Variants in TBCB observed in about 807,000 individuals in gnomAD.
The protein encoded by TBCB is tubulin-folding cofactor B.
Under a neutral mutation model 29.2 loss-of-function variants are expected in TBCB, and 18 were observed. The ratio of observed to expected loss-of-function variants is 0.62; its 90% CI spans 0.43 to 0.91. TBCB has a LOEUF of 0.91. TBCB is among the 40% of genes least tolerant of loss of function. TBCB has a pLI of 0.00. For synonymous variants in TBCB, 172 were observed against 137.8 expected, an observed-to-expected ratio of 1.25 and a Z score of -1.74; for missense variants, 336 against 337.6, an observed-to-expected ratio of 1.00 and a Z score of 0.04.
Position 36,120,645 on chromosome 19 carries a change from T to G in TBCB, c.259-65T>G, listed in dbSNP as rs1310302859. On this transcript the variant is annotated intron_variant, in intron 2 of 5. Transcript: ENST00000221855. ...TCCCAGATGGAGACACTGAAGTCCCTGCACCCAGCACCCAGGCCTCCCTGG... is the reference window on the plus strand; with the variant it reads ...TCCCAGATGGAGACACTGAAGTCCCGGCACCCAGCACCCAGGCCTCCCTGG... The G allele has an allele frequency of 2.1e-6, 3 of 1,444,578 alleles. No individual in the cohort carries two copies. In the East Asian group the frequency reaches 6.8e-5, roughly 33 times the overall value. 89.5% of individuals were successfully genotyped at this position (1,444,578 alleles called of 1,614,324 possible).
At chr19:36,118,372 G>A (rs1303967411) in intron 2 of TBCB, among the ~76,000 whole-genome samples, 3 of 152,148 alleles carry the variant, frequency 2.0e-5, no homozygotes, top group South Asian at 2.1e-4. Flanking sequence ...CATCCTGGAG[G>A]TGGTGCTGCT....
At chr19:36,115,466 G>GGGC (rs1197886586), upstream of TBCB, 6 of 941,334 alleles carry the variant, frequency 6.4e-6, no homozygotes, top group Admixed American at 1.3e-4. Flanking sequence ...GCAGGAGGCG[G>GGGC]GGCTGATAGC....
upstream of TBCB, chr19:36,114,996 G>A (rs555846824): frequency 6.3e-6 from 5 of 797,754 alleles, no homozygotes; most frequent in East Asian, 1.0e-4. The surrounding 1 kb of genome is among the most constrained non-coding windows in gnomAD (Gnocchi z 4.5). Context: ...GCCGCCTCGG[G>A]CTCGGCTCTC....
rs1599864535 is a variant in TBCB at position 36,120,648 on chromosome 19, A to G, written c.259-62A>G. Reference sequence around the variant, plus strand: ...CAGATGGAGACACTGAAGTCCCTGCACCCAGCACCCAGGCCTCCCTGGCCA... The same window carrying G: ...CAGATGGAGACACTGAAGTCCCTGCGCCCAGCACCCAGGCCTCCCTGGCCA... On this transcript the variant is annotated intron_variant, in intron 2 of 5. Transcript: ENST00000221855. The G allele has an allele frequency of 5.4e-6, 8 of 1,468,310 alleles. No homozygotes were observed. In the East Asian group the frequency reaches 1.6e-4, roughly 29 times the overall value. 91.0% of individuals were successfully genotyped at this position (1,468,310 alleles called of 1,614,324 possible). A position where few individuals can be genotyped will look rare whatever the true frequency, so the allele number is the denominator to read the frequency against.
intron 4 of TBCB, among the ~76,000 whole-genome samples, chr19:36,124,724 T>C (rs2145911645): frequency 1.3e-5 from 2 of 152,248 alleles, no homozygotes; most frequent in Middle Eastern, 3.4e-3. Flanking sequence ...TTTGTATTTT[T>C]AGTAGAGACG....
rs74928101 is a variant in TBCB at position 36,116,495 on chromosome 19, G to A, written c.258+311G>A. The A allele has an allele frequency of 1.5e-3, 438 of 292,822 alleles. 3 individuals are homozygous for A. The highest frequency in any genetic ancestry group is 9.0e-3 in the African/African-American group (418 of 46,518). The allele number at this position is 292,822 out of a possible 1,614,324, so 18.1% of individuals were successfully genotyped here. ...GGGATGAGGAAAGGGTGACTTAAGA[G>A]AAAGAGGTGGAAAGGAGGGAGCAGG... On this transcript the variant is annotated intron_variant, in intron 2 of 5. Coordinates refer to ENST00000221855, the MANE Select transcript of TBCB (RefSeq NM_001281.3).
In TBCB at chr19:36,115,656, C is replaced by G. The variant is rs144534068; in HGVS notation, c.96C>G (p.Leu32=). The G allele has an allele frequency of 3.7e-6, 6 of 1,603,518 alleles. No individual in the cohort carries two copies. The highest frequency in any genetic ancestry group is 5.1e-6 in the Non-Finnish European group (6 of 1,175,798). The part of the protein sequence containing the change: ...FRSEKRYSRS[L]TIAEFKCKLE... ...CCGAGAAGCGATACAGCCGCAGCCT[C>G]ACCATCGCTGAGTTCAAGGTGTGGC... The change falls in exon 1 of 6, where the codon CTC becomes CTG. Residue 32 remains leucine, a synonymous_variant. Transcript: ENST00000221855.
chr19:36,120,649 C>A (rs1974029980), intron 2 of TBCB, 61 bp from the exon 3 acceptor site: 1 of 1,491,390 alleles, frequency 6.7e-7, no homozygotes, highest in Non-Finnish European at 9.3e-7. Flanking sequence ...AGTCCCTGCA[C>A]CCAGCACCCA....
intron 4 of TBCB, chr19:36,121,965 G>C: frequency 1.7e-6 from 1 of 588,694 alleles, no homozygotes; most frequent in Non-Finnish European, 3.0e-6. Flanking sequence ...GCAGAAGCCA[G>C]AGGCACGCGG....
chr19:36,120,220 G>A (rs761959312), intron 2 of TBCB, among the ~76,000 whole-genome samples: 1 of 152,180 alleles, frequency 6.6e-6, no homozygotes, highest in East Asian at 1.9e-4. Context: ...GGCAGAGTGC[G>A]TCTGTGTTTA....
At chr19:36,124,102 C>T (rs780697634) in intron 4 of TBCB, among the ~76,000 whole-genome samples, 7 of 152,194 alleles carry the variant, frequency 4.6e-5, no homozygotes, top group Non-Finnish European at 8.8e-5. Context: ...TACAGTCATC[C>T]ACTGGGTGTG....
chr19:36,120,382 G>A (rs2239510), intron 2 of TBCB: 85,203 of 300,006 alleles, frequency 0.28, 12,819 homozygotes, highest in East Asian at 0.33. Flanking sequence ...GAGGAGATGC[G>A]CTGTGCACAG....
chr19:36,121,934 A>G (rs1599865661), intron 4 of TBCB: 1 of 660,556 alleles, frequency 1.5e-6, no homozygotes, highest in Non-Finnish European at 2.6e-6. Flanking sequence ...AGGCGGAGTG[A>G]TCTGTCCAGC....
At chr19:36,115,300 G>A (rs1973926532), upstream of TBCB, 6 of 547,002 alleles carry the variant, frequency 1.1e-5, no homozygotes, top group African/African-American at 2.0e-5. Context: ...GTCCTTTCCC[G>A]GGCCGCTATT....
chr19:36,120,154 T>C (rs577837830), intron 2 of TBCB, among the ~76,000 whole-genome samples: 10 of 152,266 alleles, frequency 6.6e-5, no homozygotes, highest in South Asian at 2.1e-4. Flanking sequence ...GTTTCATAGG[T>C]ACCTGTTCCT....
chr19:36,124,630 G>A (rs184798875), intron 4 of TBCB, among the ~76,000 whole-genome samples: 92 of 151,892 alleles, frequency 6.1e-4, no homozygotes, highest in African/African-American at 2.2e-3. Context: ...TCCAACCTCC[G>A]CCTCCCGGGT....
In TBCB at chr19:36,116,106, C is replaced by G. The variant is rs771486730; in HGVS notation, c.180C>G (p.Asp60Glu). ...SCMELELYGV[D>E]DKFYSKLDQE... is the part of the protein sequence containing the mutation. The stretch of plus-strand genomic sequence containing the variant: ...TGGAACTGGAGCTGTATGGAGTTGA[C>G]GACAAGTTCTACAGCAAGCTGGATC... The change falls in exon 2 of 6, where the codon GAC becomes GAG. Residue 60 changes from aspartate (D) to glutamate (E), a missense_variant. Transcript: ENST00000221855. 1 of 1,614,118 alleles carries G rather than the reference C, an allele frequency of 6.2e-7. No individual in the cohort carries two copies. Among genetic ancestry groups the G allele is most frequent in the South Asian group, 1.1e-5 (1 of 91,074 alleles).
chr19:36,116,004 G>A, intron 1 of TBCB, 37 bp from the exon 2 acceptor site: 2 of 1,600,828 alleles, frequency 1.2e-6, no homozygotes, highest in Non-Finnish European at 1.7e-6. Flanking sequence ...CGGGGCCTCC[G>A]TGGCCTCCTT....
Position 36,116,132 on chromosome 19 carries a change from A to G in TBCB, c.206A>G (p.Gln69Arg). 6.2e-7 allele frequency: 1 copy of G among 1,614,220 alleles called. No homozygotes were observed. Among genetic ancestry groups the G allele is most frequent in the Non-Finnish European group, 8.5e-7 (1 of 1,180,042 alleles). ...GACAAGTTCTACAGCAAGCTGGATCAAGAGGATGCGCTCCTGGGCTCCTAC... is the reference window on the plus strand; with the variant it reads ...GACAAGTTCTACAGCAAGCTGGATCGAGAGGATGCGCTCCTGGGCTCCTAC... ...VDDKFYSKLD[Q>R]EDALLGSYPV... Residue 69 changes from glutamine to arginine, a missense_variant, in exon 2 of 6, where the codon CAA (glutamine) becomes CGA (arginine). By Grantham distance (43) the Gln-to-Arg change is conservative (BLOSUM62 1). Transcript: ENST00000221855.
Sources: gnomAD v4.1 joint callset for allele counts (sites outside exome capture counted in the v4.1 genomes callset) on GRCh38, gnomAD v4.1.1 for gene constraint, Gnocchi (gnomAD v3.1) non-coding constraint, MANE v1.5 for transcripts, NCBI Gene and HGNC (gene_info 2026-07-23, HGNC 2026-07-21) for gene names.